Variants in ARHGAP15 observed in about 807,000 individuals in gnomAD.
ARHGAP15 encodes rho GTPase-activating protein 15.
In ARHGAP15, 51 loss-of-function variants were observed where a neutral mutation model predicts 63.7. That is an observed-to-expected ratio of 0.80 (90% CI 0.64 to 1.01). The LOEUF is 1.01. ARHGAP15 is among the 50% of genes least tolerant of loss of function. The probability of loss-of-function intolerance (pLI) is 0.00; values close to 1 mark genes in which losing one functional copy is unlikely to be tolerated. For missense variants in ARHGAP15, 560 were observed against 564.6 expected, an observed-to-expected ratio of 0.99 and a Z score of 0.08; for synonymous variants, 191 against 193.8, an observed-to-expected ratio of 0.99 and a Z score of 0.12.
chr2:143,411,436 A>G (rs1688443200), intron 6 of ARHGAP15, among the ~76,000 whole-genome samples: 2 of 150,316 alleles, frequency 1.3e-5, no homozygotes, highest in Admixed American at 6.6e-5. Context: ...CAAAACAAAC[A>G]AAGTTTACAT....
chr2:143,403,651 G>A (rs1283109832), intron 6 of ARHGAP15, among the ~76,000 whole-genome samples: 3 of 151,966 alleles, frequency 2.0e-5, no homozygotes, highest in Admixed American at 6.6e-5. Flanking sequence ...AGAAATATAT[G>A]CGTGAGATAT....
intron 6 of ARHGAP15, among the ~76,000 whole-genome samples, chr2:143,413,971 G>GCGCGCGCACGCGCGCA (rs147891307): frequency 2.0e-5 from 3 of 147,730 alleles, no homozygotes; most frequent in East Asian, 2.0e-4. Flanking sequence ...GTGTGTGCGC[G>GCGCGCGCACGCGCGCA]CTCTCTGGCA....
In ARHGAP15 at chr2:143,379,893, G is replaced by T. The variant is rs192391169; in HGVS notation, c.475-55708G>T. On this transcript the variant is annotated intron_variant, in intron 6 of 13. Transcript: ENST00000295095. ...ATCCATTAAACAAATATTTTATTGTGCCAGGAACTAGATTCTCATTTTCAA... is the reference window on the plus strand; with the variant it reads ...ATCCATTAAACAAATATTTTATTGTTCCAGGAACTAGATTCTCATTTTCAA... 2.2e-3 allele frequency among the ~76,000 whole-genome samples: 341 copies of T among 151,974 alleles called. 2 individuals carry two copies. Among genetic ancestry groups the T allele is most frequent in the African/African-American group, 7.8e-3 (324 of 41,470 alleles).
intron 12 of ARHGAP15, among the ~76,000 whole-genome samples, chr2:143,667,694 A>G (rs971823426): frequency 7.3e-5 from 11 of 151,288 alleles, no homozygotes; most frequent in African/African-American, 2.2e-4. Context: ...AAAATTTCAG[A>G]AAAAAAAATA....
At chr2:143,693,005 C>T (rs1683680154) in intron 12 of ARHGAP15, among the ~76,000 whole-genome samples, 2 of 151,884 alleles carry the variant, frequency 1.3e-5, no homozygotes, top group Admixed American at 1.3e-4. Context: ...ACTTTGGATG[C>T]CTGTAAGCAT....
chr2:143,313,407 C>T (rs1282761177), intron 6 of ARHGAP15, among the ~76,000 whole-genome samples: 2 of 152,084 alleles, frequency 1.3e-5, no homozygotes, highest in Non-Finnish European at 2.9e-5. Flanking sequence ...TTCTATTTTC[C>T]ACTAAAACCT....
chr2:143,384,977 TACAAAAGCCCATAC>T (rs1687216786), intron 6 of ARHGAP15, among the ~76,000 whole-genome samples: 1 of 152,190 alleles, frequency 6.6e-6, no homozygotes, highest in African/African-American at 2.4e-5. Context: ...TGTTTCATTC[TACAAAAGCCCATAC>T]TGTCAAGCAC....
At chr2:143,212,042 A>G (rs1692582121) in intron 3 of ARHGAP15, among the ~76,000 whole-genome samples, 1 of 152,208 alleles carries the variant, frequency 6.6e-6, no homozygotes, top group African/African-American at 2.4e-5. Context: ...CCATTTATAA[A>G]CAGAAAGGGT....
intron 6 of ARHGAP15, among the ~76,000 whole-genome samples, chr2:143,311,957 T>G (rs1683468089): frequency 6.6e-6 from 1 of 152,132 alleles, no homozygotes; most frequent in African/African-American, 2.4e-5. Flanking sequence ...TTGTGGGCCT[T>G]CCTTTTTTTT....
chr2:143,334,235 T>A (rs1684674417), intron 6 of ARHGAP15, among the ~76,000 whole-genome samples: 1 of 152,202 alleles, frequency 6.6e-6, no homozygotes, highest in Non-Finnish European at 1.5e-5. Context: ...CTTAAGCTGG[T>A]AAAAATAAGA....
chr2:143,604,993 C>T (rs953798656), intron 11 of ARHGAP15, among the ~76,000 whole-genome samples: 1 of 152,136 alleles, frequency 6.6e-6, no homozygotes, highest in African/African-American at 2.4e-5. Flanking sequence ...ACTGCAACCT[C>T]CACCTCCCAG....
intron 12 of ARHGAP15, among the ~76,000 whole-genome samples, chr2:143,673,087 G>A (rs1226876446): frequency 6.6e-6 from 1 of 151,954 alleles, no homozygotes; most frequent in Non-Finnish European, 1.5e-5. Flanking sequence ...TTTCCACCTG[G>A]GCACACTTGA....
At chr2:143,178,101 T>C (rs1006670563) in intron 2 of ARHGAP15, among the ~76,000 whole-genome samples, 4 of 152,142 alleles carry the variant, frequency 2.6e-5, no homozygotes, top group African/African-American at 9.7e-5. Context: ...AAATGTGATA[T>C]CCAACAAAGC....
chr2:143,590,739 T>G (rs1027921353), intron 11 of ARHGAP15, among the ~76,000 whole-genome samples: 1 of 152,184 alleles, frequency 6.6e-6, no homozygotes, highest in African/African-American at 2.4e-5. Flanking sequence ...GTGTCTTTTA[T>G]TTTGTCACTA....
At chr2:143,422,884 A>T (rs1688985754) in intron 6 of ARHGAP15, among the ~76,000 whole-genome samples, 1 of 152,102 alleles carries the variant, frequency 6.6e-6, no homozygotes, top group Non-Finnish European at 1.5e-5. Context: ...CAAGAAGAGG[A>T]TACAGCTACA....
chr2:143,155,706 TA>T (rs1690050427), intron 2 of ARHGAP15, 51 bp downstream of exon 2: 9 of 1,481,488 alleles, frequency 6.1e-6, no homozygotes, highest in Middle Eastern at 1.8e-4. Flanking sequence ...CAGAATTTTG[TA>T]AAAGGAAAAA....
chr2:143,217,639 G>T (rs1046879419), intron 4 of ARHGAP15, among the ~76,000 whole-genome samples: 1 of 152,138 alleles, frequency 6.6e-6, no homozygotes, highest in African/African-American at 2.4e-5. Flanking sequence ...GGAACAACAG[G>T]AGGAAGTCTT....
intron 13 of ARHGAP15, among the ~76,000 whole-genome samples, chr2:143,760,268 T>C (rs1258619515): frequency 6.6e-6 from 1 of 152,196 alleles, no homozygotes; most frequent in Non-Finnish European, 1.5e-5. Context: ...TAAAGCTGAT[T>C]TTAAAATCTG....
chr2:143,386,560 A>G (rs1687295076), intron 6 of ARHGAP15, among the ~76,000 whole-genome samples: 1 of 152,146 alleles, frequency 6.6e-6, no homozygotes, highest in East Asian at 1.9e-4. Context: ...TGAGAAATAG[A>G]CTGAAGTTAG....
Sources: allele counts gnomAD v4.1 joint callset (sites outside exome capture counted in the v4.1 genomes callset), GRCh38; gene constraint gnomAD v4.1.1; transcripts MANE v1.5; gene names NCBI Gene and HGNC (gene_info 2026-07-23, HGNC 2026-07-21).